The following TRIM24 variants were observed in gnomAD, a reference collection of about 807,000 sequenced individuals.
TRIM24 encodes the protein tripartite motif containing 24.
A neutral mutation model predicts 123.9 loss-of-function variants in TRIM24; 29 were observed. The observed-to-expected ratio is 0.23, with a 90% CI of 0.17 to 0.32. The LOEUF (loss-of-function observed/expected upper bound fraction) is 0.32, where lower values mean the gene tolerates loss of function less well. Ranked by LOEUF, TRIM24 falls within the 10% of genes least tolerant of loss-of-function variation. TRIM24 has a pLI of 1.00. For missense variants in TRIM24, 932 were observed against 1,295.3 expected, an observed-to-expected ratio of 0.72 and a Z score of 4.31; for synonymous variants, 456 against 461.1, an observed-to-expected ratio of 0.99 and a Z score of 0.14.
intron 1 of TRIM24, among the ~76,000 whole-genome samples, chr7:138,495,369 C>A (rs1473773124): frequency 6.6e-6 from 1 of 152,136 alleles, no homozygotes; most frequent in Non-Finnish European, 1.5e-5. Context: ...TTGATTCTGA[C>A]AGTCTGTTTC....
At chr7:138,462,367 G>T (rs923030870) in intron 1 of TRIM24, among the ~76,000 whole-genome samples, 1 of 145,118 alleles carries the variant, frequency 6.9e-6, no homozygotes, top group African/African-American at 2.6e-5. Flanking sequence ...TTGAGACGGA[G>T]TCTCGCTCTG....
At chr7:138,515,730 C>G (rs1404584073) in intron 3 of TRIM24, among the ~76,000 whole-genome samples, 1 of 152,134 alleles carries the variant, frequency 6.6e-6, no homozygotes, top group Non-Finnish European at 1.5e-5. Context: ...AAACCTGCAT[C>G]ATGATATTTG....
At chr7:138,482,960 C>T (rs1395594444) in intron 1 of TRIM24, among the ~76,000 whole-genome samples, 1 of 151,858 alleles carries the variant, frequency 6.6e-6, no homozygotes, top group Non-Finnish European at 1.5e-5. Context: ...TTCTGTCACC[C>T]AGGCTGGAGT....
At chr7:138,524,319 G>A (rs1014484753) in intron 4 of TRIM24, among the ~76,000 whole-genome samples, 2 of 152,046 alleles carry the variant, frequency 1.3e-5, no homozygotes, top group Admixed American at 1.3e-4. Flanking sequence ...AACAACATAA[G>A]GGTGACCATT....
chr7:138,560,545 C>G (rs776599369), intron 9 of TRIM24, among the ~76,000 whole-genome samples: 1 of 152,152 alleles, frequency 6.6e-6, no homozygotes, highest in Admixed American at 6.5e-5. Context: ...TGGGCCCTTG[C>G]CGTGGGTTGT....
chr7:138,578,565 C>CGCGCGCGT, intron 14 of TRIM24, among the ~76,000 whole-genome samples: 1 of 105,538 alleles, frequency 9.5e-6, no homozygotes, highest in East Asian at 3.0e-4. Flanking sequence ...TGTGTGTGTG[C>CGCGCGCGT]GCGCACGCAC....
At chr7:138,495,115 A>G (rs1222281319) in intron 1 of TRIM24, among the ~76,000 whole-genome samples, 1 of 152,238 alleles carries the variant, frequency 6.6e-6, no homozygotes, top group African/African-American at 2.4e-5. Flanking sequence ...AAATATTCGC[A>G]TACCATGGCT....
chr7:138,538,481 G>GT (rs1406361919), intron 6 of TRIM24, among the ~76,000 whole-genome samples, 176 bp from the exon 7 acceptor site: 3 of 152,166 alleles, frequency 2.0e-5, no homozygotes, highest in African/African-American at 4.8e-5. Flanking sequence ...TTGGGATGCA[G>GT]TTTTTTGCCA....
intron 5 of TRIM24, among the ~76,000 whole-genome samples, chr7:138,526,871 T>G (rs915163713): frequency 2.5e-4 from 38 of 152,174 alleles, no homozygotes; most frequent in Non-Finnish European, 5.1e-4. Flanking sequence ...GAATATTTAT[T>G]GAATGAATGA....
intron 3 of TRIM24, 114 bp from the exon 4 acceptor site, chr7:138,519,075 A>G: frequency 8.3e-7 from 1 of 1,202,966 alleles, no homozygotes; most frequent in Admixed American, 2.0e-5. Flanking sequence ...GGTATAGTAT[A>G]GGTGAAGCTG....
intron 1 of TRIM24, among the ~76,000 whole-genome samples, chr7:138,495,696 C>T (rs1795890781): frequency 6.6e-6 from 1 of 152,132 alleles, no homozygotes; most frequent in South Asian, 2.1e-4. Flanking sequence ...AATCCTCCTG[C>T]TTCAGCCTCC....
intron 1 of TRIM24, among the ~76,000 whole-genome samples, chr7:138,489,043 G>A (rs968313956): frequency 3.9e-5 from 6 of 152,192 alleles, no homozygotes; most frequent in African/African-American, 1.4e-4. Context: ...TGTATTGGGT[G>A]CATATATATT....
intron 2 of TRIM24, among the ~76,000 whole-genome samples, chr7:138,510,045 G>T (rs1048323575): frequency 6.6e-6 from 1 of 152,128 alleles, no homozygotes; most frequent in Non-Finnish European, 1.5e-5. Context: ...TGGAAAAACT[G>T]CAAACTAGAG....
intron 6 of TRIM24, among the ~76,000 whole-genome samples, chr7:138,531,270 A>G (rs956039419): frequency 6.6e-6 from 1 of 151,684 alleles, no homozygotes; most frequent in African/African-American, 2.4e-5. Flanking sequence ...ACATATGTTT[A>G]CATGTGTTAC....
chr7:138,511,308 T>C (rs1432133799), intron 2 of TRIM24, among the ~76,000 whole-genome samples: 18 of 151,358 alleles, frequency 1.2e-4, no homozygotes, highest in Admixed American at 2.6e-4. Context: ...TTCTTTCTTT[T>C]TTTTTTTTTT....
chr7:138,545,311 A>G (rs1797080485), intron 7 of TRIM24, among the ~76,000 whole-genome samples: 1 of 152,202 alleles, frequency 6.6e-6, no homozygotes, highest in Admixed American at 6.5e-5. Flanking sequence ...CGCAACAGGC[A>G]TGAAGCTGGC....
intron 1 of TRIM24, among the ~76,000 whole-genome samples, chr7:138,475,160 C>T (rs1283391083): frequency 1.3e-5 from 2 of 152,026 alleles, no homozygotes; most frequent in African/African-American, 4.8e-5. Context: ...TAAATAGATG[C>T]TGTGTGTTGT....
intron 7 of TRIM24, among the ~76,000 whole-genome samples, chr7:138,547,257 G>A (rs1283782852): frequency 6.6e-6 from 1 of 152,156 alleles, no homozygotes; most frequent in East Asian, 1.9e-4. Flanking sequence ...GGTATTGGAA[G>A]GGATGTTGAT....
chr7:138,479,326 T>A (rs972835482), intron 1 of TRIM24, among the ~76,000 whole-genome samples: 3 of 152,164 alleles, frequency 2.0e-5, no homozygotes, highest in Non-Finnish European at 4.4e-5. Context: ...TTTTTATCAC[T>A]CCTTCCCTTT....
Sources: gnomAD v4.1 joint callset for allele counts (sites outside exome capture counted in the v4.1 genomes callset) on GRCh38, gnomAD v4.1.1 for gene constraint, MANE v1.5 for transcripts, NCBI Gene and HGNC (gene_info 2026-07-23, HGNC 2026-07-21) for gene names.